Variants in INPP4B observed in about 807,000 individuals in gnomAD.
INPP4B encodes inositol polyphosphate 4-phosphatase type II.
INPP4B carries 55 observed loss-of-function variants against 122.5 expected under a neutral mutation model. That is an observed-to-expected ratio of 0.45 (90% CI 0.36 to 0.56). INPP4B has a LOEUF of 0.56. Ranked by LOEUF, INPP4B falls within the 20% of genes least tolerant of loss-of-function variation. The probability of loss-of-function intolerance (pLI) is 0.00; values close to 1 mark genes in which losing one functional copy is unlikely to be tolerated. For missense variants in INPP4B, 1,000 were observed against 1,097.7 expected (o/e 0.91, Z 1.26); for synonymous variants, 403 against 388.7 (o/e 1.04, Z -0.43).
intron 2 of INPP4B, among the ~76,000 whole-genome samples, chr4:142,559,569 C>T (rs560348109): frequency 1.2e-4 from 18 of 152,148 alleles, no homozygotes; most frequent in African/African-American, 4.3e-4. Context: ...AACATGACAG[C>T]AAGTTTGCAA....
At chr4:142,323,656 A>G (rs1033484610) in intron 7 of INPP4B, among the ~76,000 whole-genome samples, 9 of 151,908 alleles carry the variant, frequency 5.9e-5, no homozygotes, top group African/African-American at 9.7e-5. Context: ...CATGTTAGCC[A>G]GGATGGTCTC....
intron 7 of INPP4B, among the ~76,000 whole-genome samples, chr4:142,368,994 A>AGAG (rs1315795978): frequency 6.6e-6 from 1 of 152,004 alleles, no homozygotes; most frequent in Admixed American, 6.6e-5. Flanking sequence ...CATGATGGTA[A>AGAG]GAGGAGGAGG....
At chr4:142,393,327 A>G (rs1267825603) in intron 7 of INPP4B, among the ~76,000 whole-genome samples, 4 of 152,228 alleles carry the variant, frequency 2.6e-5, no homozygotes. Flanking sequence ...AAATGGAGTC[A>G]CTTATGCTAA....
chr4:142,081,433 C>G (rs1773857514), intron 25 of INPP4B, among the ~76,000 whole-genome samples: 1 of 152,096 alleles, frequency 6.6e-6, no homozygotes, highest in Non-Finnish European at 1.5e-5. Context: ...TGACTTCGGG[C>G]ACAGCATTTT....
chr4:142,312,439 G>T (rs35157240), intron 8 of INPP4B, among the ~76,000 whole-genome samples: 1 of 152,106 alleles, frequency 6.6e-6, no homozygotes, highest in East Asian at 1.9e-4. Flanking sequence ...CACTTAGAAA[G>T]CCTAGAGGTG....
intron 25 of INPP4B, among the ~76,000 whole-genome samples, chr4:142,056,581 A>G (rs191354612): frequency 6.6e-6 from 1 of 152,244 alleles, no homozygotes; most frequent in Admixed American, 6.5e-5. Context: ...GTCAGCCTCA[A>G]GGACTTTTGA....
chr4:142,619,404 C>A (rs1390014883), intron 2 of INPP4B, among the ~76,000 whole-genome samples: 1 of 151,966 alleles, frequency 6.6e-6, no homozygotes, highest in Non-Finnish European at 1.5e-5. Flanking sequence ...TATGATTCAG[C>A]CTTTAAAATA....
chr4:142,197,590 G>A (rs540828929), intron 14 of INPP4B, among the ~76,000 whole-genome samples: 12 of 152,102 alleles, frequency 7.9e-5, no homozygotes, highest in Middle Eastern at 3.4e-3. Context: ...GTTAATTTGT[G>A]GATAAGAATT....
intron 3 of INPP4B, among the ~76,000 whole-genome samples, chr4:142,441,116 A>C (rs756997096): frequency 2.6e-5 from 4 of 152,186 alleles, no homozygotes; most frequent in African/African-American, 4.8e-5. Context: ...AGATATACTT[A>C]AGCAAGAGAG....
intron 2 of INPP4B, among the ~76,000 whole-genome samples, chr4:142,578,528 A>G (rs916904552): frequency 1.3e-5 from 2 of 151,892 alleles, no homozygotes; most frequent in Non-Finnish European, 2.9e-5. Flanking sequence ...TGTCTTCTTC[A>G]TGTATCTTCA....
chr4:142,668,933 T>C (rs1419187414), intron 2 of INPP4B, among the ~76,000 whole-genome samples: 2 of 151,326 alleles, frequency 1.3e-5, no homozygotes, highest in Non-Finnish European at 2.9e-5. Flanking sequence ...TGGGCACATG[T>C]AGTCCCAGCT....
chr4:142,087,220 G>C (rs1777296181), intron 23 of INPP4B, among the ~76,000 whole-genome samples: 1 of 152,064 alleles, frequency 6.6e-6, no homozygotes, highest in Non-Finnish European at 1.5e-5. Flanking sequence ...AATATATCCT[G>C]CTTGAGAACC....
intron 2 of INPP4B, among the ~76,000 whole-genome samples, chr4:142,625,927 C>T (rs151159466): frequency 0.022 from 3,378 of 152,224 alleles, 70 homozygotes; most frequent in Non-Finnish European, 0.029. Flanking sequence ...ACTGGCTAGC[C>T]ATATGTAGAA....
intron 5 of INPP4B, among the ~76,000 whole-genome samples, chr4:142,418,070 G>A (rs911724860): frequency 3.3e-5 from 5 of 152,048 alleles, no homozygotes; most frequent in Admixed American, 6.6e-5. Flanking sequence ...CAACAGATAC[G>A]CAGTCTAATT....
At chr4:142,114,722 T>C (rs1468158121) in intron 21 of INPP4B, among the ~76,000 whole-genome samples, 12 of 152,074 alleles carry the variant, frequency 7.9e-5, no homozygotes. Context: ...GCTTGTCTTT[T>C]TACTTACTTA....
At position 142,618,905 on chromosome 4, in the gene INPP4B, CA is replaced by C. The variant is rs142782779; in HGVS notation, c.-191+106933del. 6.4e-3 allele frequency among the ~76,000 whole-genome samples: 964 copies of C among 149,982 alleles called. 10 individuals carry two copies. The highest frequency in any genetic ancestry group is 0.023 in the African/African-American group (933 of 40,086). ...AATAAATAAATAAATAAATAAATAACAGCCAAATAAAAATATGCAAATGACT... is the reference window on the plus strand; with the variant it reads ...AATAAATAAATAAATAAATAAATAACGCCAAATAAAAATATGCAAATGACT... On this transcript the variant is annotated intron_variant, in intron 2 of 25. Coordinates refer to ENST00000262992, the MANE Select transcript of INPP4B (RefSeq NM_001101669.3).
chr4:142,260,356 G>A, intron 11 of INPP4B, 136 bp downstream of exon 11: 1 of 667,582 alleles, frequency 1.5e-6, no homozygotes. Flanking sequence ...CCCGCATTCT[G>A]CTGGCCCCTT....
At chr4:142,737,312 T>C (rs1264982366) in intron 1 of INPP4B, among the ~76,000 whole-genome samples, 2 of 152,022 alleles carry the variant, frequency 1.3e-5, no homozygotes, top group African/African-American at 4.8e-5. Context: ...ATGCCACATA[T>C]CTACAACCAT....
At chr4:142,354,058 A>G (rs924611213) in intron 7 of INPP4B, among the ~76,000 whole-genome samples, 7 of 151,982 alleles carry the variant, frequency 4.6e-5, no homozygotes, top group African/African-American at 1.4e-4. Flanking sequence ...AACCTAAAAC[A>G]TCTAGCAAGC....
Sources: gnomAD v4.1 joint callset for allele counts (sites outside exome capture counted in the v4.1 genomes callset) on GRCh38, gnomAD v4.1.1 for gene constraint, MANE v1.5 for transcripts, NCBI Gene and HGNC (gene_info 2026-07-23, HGNC 2026-07-21) for gene names.